TENM3: variants seen among roughly 807,000 people sequenced by gnomAD.
TENM3 encodes teneurin transmembrane protein 3, also known as teneurin-3.
Under a neutral mutation model 255.1 loss-of-function variants are expected in TENM3, and 63 were observed. The ratio of observed to expected loss-of-function variants is 0.25; its 90% CI spans 0.20 to 0.30. TENM3 has a LOEUF of 0.30. Among genes scored for constraint, TENM3 ranks in the 10% least tolerant of loss-of-function variants. The pLI is 1.00. For missense variants in TENM3, 2,929 were observed against 3,461.1 expected (o/e 0.85, Z 3.86); for synonymous variants, 1,306 against 1,322.3 (o/e 0.99, Z 0.27).
chr4:182,386,720 G>C (rs1767955582), intron 3 of TENM3, among the ~76,000 whole-genome samples: 1 of 152,340 alleles, frequency 6.6e-6, no homozygotes, highest in East Asian at 1.9e-4. Context: ...GGGTGTACTG[G>C]GTCCCCCAGC....
intron 22 of TENM3, among the ~76,000 whole-genome samples, chr4:182,764,295 G>A (rs1763481252): frequency 6.6e-6 from 1 of 152,186 alleles, no homozygotes; most frequent in Admixed American, 6.5e-5. Context: ...CATTCATTCA[G>A]TAAGAATTTA....
Position 182,412,780 on chromosome 4 carries a change from G to A in TENM3, c.511+65851G>A, listed in dbSNP as rs542767171. On this transcript the variant is annotated intron_variant, in intron 3 of 27. Coordinates refer to ENST00000511685, the MANE Select transcript of TENM3 (RefSeq NM_001080477.4). ...CTCGGGAAGCTTAGGCAGGAGAATC[G>A]CTTGAACCTGGGAGGTGGAGGTTGC... is the stretch of plus-strand genomic sequence containing the variant. Among the ~76,000 whole-genome samples the A allele has an allele frequency of 1.3e-3, 198 of 151,432 alleles. 1 individual carries two copies. Among genetic ancestry groups the A allele is most frequent in the Middle Eastern group, 3.4e-3 (1 of 290 alleles).
intron 7 of TENM3, among the ~76,000 whole-genome samples, chr4:182,674,661 A>C (rs1021557971): frequency 6.6e-6 from 1 of 151,308 alleles, no homozygotes; most frequent in African/African-American, 2.4e-5. Flanking sequence ...CTGTAGCCTC[A>C]ACCTCCTCGG....
chr4:182,048,542 A>C, the TENM3 span, among the ~76,000 whole-genome samples: 1 of 152,244 alleles, frequency 6.6e-6, no homozygotes, highest in Non-Finnish European at 1.5e-5. Context: ...AAAATATTCA[A>C]TTTGTAAACA....
chr4:182,628,718 A>G lies in TENM3; in HGVS notation c.817A>G (p.Met273Val), dbSNP rs752805275. 2.5e-6 allele frequency: 4 copies of G among 1,609,010 alleles called. No homozygotes were observed. In the South Asian group the frequency reaches 3.3e-5, roughly 13 times the overall value. The change falls in exon 5 of 28, where the codon ATG becomes GTG. Residue 273 changes from methionine to valine, a missense_variant. Met to Val is a conservative substitution (Grantham distance 21). This residue lies in a region of TENM3 where 1,608 missense variants were observed against 1,884.4 expected (regional missense o/e 0.85). Transcript: ENST00000511685. ...LFSTATPGYT[M>V]ASGSVYSPPT... is the part of the protein sequence containing the mutation. ...CAGTACTGCAACCCCAGGATACACA[A>G]TGGCATCTGGCTCTGTTTATTCACC...
At chr4:181,797,261 A>G in the TENM3 span, among the ~76,000 whole-genome samples, 39,446 of 151,230 alleles carry the variant, frequency 0.26, 5,278 homozygotes, top group South Asian at 0.36. Flanking sequence ...GCTCACCATG[A>G]TCAACATGGC....
chr4:181,580,156 C>G, the TENM3 span, among the ~76,000 whole-genome samples: 1 of 151,946 alleles, frequency 6.6e-6, no homozygotes. Flanking sequence ...TGCCACCATG[C>G]CTGGCTAATT....
chr4:182,017,197 C>T, the TENM3 span, among the ~76,000 whole-genome samples: 1 of 152,260 alleles, frequency 6.6e-6, no homozygotes, highest in African/African-American at 2.4e-5. Flanking sequence ...CTGTTCCCAT[C>T]CACACCCTGC....
intron 26 of TENM3, among the ~76,000 whole-genome samples, chr4:182,795,314 C>T (rs900456166): frequency 2.6e-5 from 4 of 152,126 alleles, no homozygotes; most frequent in Non-Finnish European, 4.4e-5. Context: ...CACTGTTATG[C>T]AGACATTGTT....
intron 1 of TENM3, among the ~76,000 whole-genome samples, chr4:182,305,245 T>C (rs1264593245): frequency 6.6e-6 from 1 of 152,108 alleles, no homozygotes; most frequent in Non-Finnish European, 1.5e-5. Context: ...AAGGAACAGA[T>C]TGTTAACAAA....
intron 7 of TENM3, among the ~76,000 whole-genome samples, chr4:182,673,542 C>T (rs373202367): frequency 5.9e-4 from 90 of 152,230 alleles, no homozygotes; most frequent in Non-Finnish European, 1.1e-3. Flanking sequence ...TGATAATTTC[C>T]GATGATCTTA....
At chr4:182,490,884 G>A (rs944229302) in intron 3 of TENM3, among the ~76,000 whole-genome samples, 1 of 152,202 alleles carries the variant, frequency 6.6e-6, no homozygotes, top group South Asian at 2.1e-4. Flanking sequence ...TTTCATGCCT[G>A]CTTGTGTTTT....
chr4:181,558,380 A>G, the TENM3 span, among the ~76,000 whole-genome samples: 1 of 152,222 alleles, frequency 6.6e-6, no homozygotes, highest in Non-Finnish European at 1.5e-5. Flanking sequence ...CCCACTATTG[A>G]TGTGATTCCT....
the TENM3 span, among the ~76,000 whole-genome samples, chr4:182,068,370 T>A: frequency 6.9e-6 from 1 of 144,372 alleles, no homozygotes; most frequent in South Asian, 2.2e-4. Flanking sequence ...ACAGAATCTT[T>A]ATTTTTTAAA....
At chr4:182,198,174 C>G (rs1018892688) in intron 1 of TENM3, among the ~76,000 whole-genome samples, 2 of 152,020 alleles carry the variant, frequency 1.3e-5, no homozygotes, top group African/African-American at 2.4e-5. Context: ...CTAGAATAGG[C>G]TTCTGACCCT....
the TENM3 span, among the ~76,000 whole-genome samples, chr4:181,918,758 CATG>C: frequency 6.6e-6 from 1 of 152,016 alleles, no homozygotes; most frequent in Admixed American, 6.6e-5. Flanking sequence ...CTGCCTCATT[CATG>C]TATATATTTA....
chr4:182,598,722 G>T (rs1330259841), intron 3 of TENM3, among the ~76,000 whole-genome samples: 1 of 152,136 alleles, frequency 6.6e-6, no homozygotes, highest in Non-Finnish European at 1.5e-5. Flanking sequence ...GGGATGAATG[G>T]CTAAGTGTGT....
chr4:182,744,858 A>G (rs573505151), intron 19 of TENM3, among the ~76,000 whole-genome samples: 1 of 152,286 alleles, frequency 6.6e-6, no homozygotes, highest in East Asian at 1.9e-4. Context: ...GAAGTGTTTC[A>G]TGTCTGCTTT....
chr4:182,118,439 A>AT, the TENM3 span, among the ~76,000 whole-genome samples: 7 of 151,662 alleles, frequency 4.6e-5, no homozygotes, highest in Admixed American at 2.0e-4. Context: ...AGATTTTTAA[A>AT]TTTTATTTTT....
Sources: allele counts gnomAD v4.1 joint callset (sites outside exome capture counted in the v4.1 genomes callset), GRCh38; gene constraint gnomAD v4.1.1; regional missense constraint gnomAD v4.1.1; transcripts MANE v1.5; gene names NCBI Gene and HGNC (gene_info 2026-07-23, HGNC 2026-07-21).